The following NTM variants were observed in gnomAD, a reference collection of about 807,000 sequenced individuals.
NTM encodes the protein IgLON family member 2.
NTM carries 13 observed loss-of-function variants against 42.1 expected under a neutral mutation model. The ratio of observed to expected loss-of-function variants is 0.31; its 90% CI spans 0.20 to 0.49. The LOEUF (loss-of-function observed/expected upper bound fraction) is 0.49. Ranked by LOEUF, NTM falls within the 20% of genes least tolerant of loss-of-function variation. The pLI, the probability that NTM is intolerant of heterozygous loss-of-function variation, is 0.99. For missense variants in NTM, 373 were observed against 452.8 expected (o/e 0.82, Z 1.60); for synonymous variants, 187 against 179.2 (o/e 1.04, Z -0.35).
At chr11:132,077,823 A>G (rs1008901012) in intron 2 of NTM, among the ~76,000 whole-genome samples, 3 of 152,106 alleles carry the variant, frequency 2.0e-5, no homozygotes, top group Non-Finnish European at 4.4e-5. Flanking sequence ...CTGGTCTCAA[A>G]CTCCTTGCCT....
At chr11:131,466,027 G>A (rs564960007) in intron 1 of NTM, among the ~76,000 whole-genome samples, 1 of 152,214 alleles carries the variant, frequency 6.6e-6, no homozygotes, top group Admixed American at 6.5e-5. Context: ...CAGGATGTGT[G>A]TCTATGAGGA....
chr11:131,671,175 C>G (rs1488803768), intron 1 of NTM, among the ~76,000 whole-genome samples: 1 of 152,172 alleles, frequency 6.6e-6, no homozygotes, highest in South Asian at 2.1e-4. Flanking sequence ...GCTTTTGGCC[C>G]TTGCCTTTCT....
intron 2 of NTM, among the ~76,000 whole-genome samples, chr11:131,980,905 C>G (rs1417417596): frequency 6.6e-6 from 1 of 152,166 alleles, no homozygotes; most frequent in African/African-American, 2.4e-5. Flanking sequence ...GGGTTCAAAT[C>G]CGACTCTATG....
chr11:131,427,325 C>G (rs997344561), intron 1 of NTM, among the ~76,000 whole-genome samples: 3 of 152,090 alleles, frequency 2.0e-5, no homozygotes, highest in Non-Finnish European at 4.4e-5. Context: ...GTCAGAATGT[C>G]TTTAAAATGG....
At chr11:132,259,227 T>C (rs2092694045) in intron 4 of NTM, among the ~76,000 whole-genome samples, 1 of 152,086 alleles carries the variant, frequency 6.6e-6, no homozygotes, top group Admixed American at 6.6e-5. Context: ...TAAGTTTTGA[T>C]ATGATTAATA....
chr11:132,170,147 A>G (rs1053427488), intron 3 of NTM, among the ~76,000 whole-genome samples: 5 of 152,228 alleles, frequency 3.3e-5, no homozygotes, highest in Admixed American at 3.3e-4. Flanking sequence ...CTTGGGGAAT[A>G]TTTGATAGAA....
At position 131,621,825 on chromosome 11, in the gene NTM, G is replaced by GAA. The variant is rs34307645; in HGVS notation, c.82+250954_82+250955dup. 5.5e-3 allele frequency among the ~76,000 whole-genome samples: 582 copies of GAA among 105,498 alleles called. 15 individuals are homozygous for GAA. Among genetic ancestry groups the GAA allele is most frequent in the African/African-American group, 0.017 (481 of 28,792 alleles). 69.2% of individuals were successfully genotyped at this position (105,498 alleles called of 152,430 possible). On this transcript the variant is annotated intron_variant, in intron 1 of 8. Coordinates refer to ENST00000683400, the MANE Select transcript of NTM (RefSeq NM_001352005.2). ...CAACAGAGCAAGACCTCAACTCAAAGAAAAAAAAAAAAAAAAAAGGAAGCT... is the reference window on the plus strand; with the variant it reads ...CAACAGAGCAAGACCTCAACTCAAAGAAAAAAAAAAAAAAAAAAAAGGAAGCT...
chr11:131,972,826 G>A (rs2063753892), intron 2 of NTM, among the ~76,000 whole-genome samples: 1 of 152,142 alleles, frequency 6.6e-6, no homozygotes, highest in Admixed American at 6.5e-5. Flanking sequence ...AATTTTAAAT[G>A]AAAGAAAGCC....
intron 2 of NTM, among the ~76,000 whole-genome samples, chr11:131,974,851 A>T (rs1047554444): frequency 6.6e-6 from 1 of 152,206 alleles, no homozygotes; most frequent in Non-Finnish European, 1.5e-5. Flanking sequence ...CAAAACTTTC[A>T]AATTTAGAGG....
intron 1 of NTM, among the ~76,000 whole-genome samples, chr11:131,385,970 G>A (rs1384028426): frequency 6.6e-6 from 1 of 152,066 alleles, no homozygotes; most frequent in East Asian, 1.9e-4. Context: ...TCTACTCCTG[G>A]GTATATATTC....
At chr11:132,068,921 CTT>C in intron 2 of NTM, among the ~76,000 whole-genome samples, 1 of 152,234 alleles carries the variant, frequency 6.6e-6, no homozygotes, top group Non-Finnish European at 1.5e-5. Context: ...AGGATCATCT[CTT>C]TTATTTAAAA....
chr11:131,417,819 C>G (rs1947107638), intron 1 of NTM, among the ~76,000 whole-genome samples: 1 of 152,204 alleles, frequency 6.6e-6, no homozygotes, highest in African/African-American at 2.4e-5. Context: ...TTTTCTTTCC[C>G]TTGATCCACA....
chr11:132,144,677 A>T (rs2069952208), intron 2 of NTM, among the ~76,000 whole-genome samples: 1 of 152,196 alleles, frequency 6.6e-6, no homozygotes. Flanking sequence ...ATTCTAATAT[A>T]AGTAGTCCAT....
chr11:131,938,055 T>C (rs2134174185), intron 2 of NTM, among the ~76,000 whole-genome samples: 1 of 152,330 alleles, frequency 6.6e-6, no homozygotes, highest in East Asian at 1.9e-4. Context: ...CTCTAACACG[T>C]ATCGGGTGCT....
At chr11:131,960,750 A>G (rs2062070349) in intron 2 of NTM, among the ~76,000 whole-genome samples, 1 of 152,202 alleles carries the variant, frequency 6.6e-6, no homozygotes, top group African/African-American at 2.4e-5. Context: ...CAGGGTCTAC[A>G]GCGTTCCTCT....
At chr11:131,854,969 C>A (rs1380088325) in intron 1 of NTM, among the ~76,000 whole-genome samples, 2 of 152,014 alleles carry the variant, frequency 1.3e-5, no homozygotes, top group African/African-American at 4.8e-5. Flanking sequence ...TAGACCAATG[C>A]AATGCACAGA....
intron 1 of NTM, among the ~76,000 whole-genome samples, chr11:131,501,079 C>A (rs1282158261): frequency 1.3e-5 from 2 of 151,960 alleles, no homozygotes; most frequent in Non-Finnish European, 2.9e-5. Context: ...TAACCACAAT[C>A]CAAATTCAGA....
intron 1 of NTM, among the ~76,000 whole-genome samples, chr11:131,752,427 T>G (rs2082681171): frequency 6.6e-6 from 1 of 152,192 alleles, no homozygotes; most frequent in Non-Finnish European, 1.5e-5. Flanking sequence ...AGGAACACTT[T>G]TACATCGCTG....
intron 1 of NTM, among the ~76,000 whole-genome samples, chr11:131,658,799 G>T (rs2067559935): frequency 6.6e-6 from 1 of 152,096 alleles, no homozygotes; most frequent in Non-Finnish European, 1.5e-5. Flanking sequence ...GCAAAACCCT[G>T]TCTCTAATAA....
Sources: allele counts gnomAD v4.1 joint callset (sites outside exome capture counted in the v4.1 genomes callset), GRCh38; gene constraint gnomAD v4.1.1; transcripts MANE v1.5; gene names NCBI Gene and HGNC (gene_info 2026-07-23, HGNC 2026-07-21).